ZNF423: variants seen among roughly 807,000 people sequenced by gnomAD.
The protein encoded by ZNF423 is Ebf-associated zinc finger protein.
In ZNF423, 12 loss-of-function variants were observed where a neutral mutation model predicts 95.8. The ratio of observed to expected loss-of-function variants is 0.13; its 90% CI spans 0.08 to 0.20. The LOEUF (loss-of-function observed/expected upper bound fraction) is 0.20. ZNF423 is among the 10% of genes least tolerant of loss of function. ZNF423 has a pLI of 1.00. For synonymous variants in ZNF423, 749 were observed against 711.9 expected (o/e 1.05, Z -0.83); for missense variants, 1,316 against 1,737.1 (o/e 0.76, Z 4.31).
intron 1 of ZNF423, among the ~76,000 whole-genome samples, chr16:49,820,689 C>A (rs912886238): frequency 1.3e-5 from 2 of 152,170 alleles, no homozygotes; most frequent in African/African-American, 4.8e-5. Flanking sequence ...ACCTGGCTGT[C>A]TTTTCCCTAC....
intron 3 of ZNF423, among the ~76,000 whole-genome samples, chr16:49,702,909 GCACACACACACACACACACACACACA>G (rs66522223): frequency 2.7e-5 from 4 of 147,534 alleles, no homozygotes; most frequent in Non-Finnish European, 6.0e-5. Flanking sequence ...GTGTGCACAC[GCACACACACACACACACACACACACA>G]CACACACACA....
chr16:49,653,239 T>C (rs1973481174), intron 3 of ZNF423, among the ~76,000 whole-genome samples: 1 of 138,164 alleles, frequency 7.2e-6, no homozygotes, highest in Non-Finnish European at 1.5e-5. Flanking sequence ...CTCTACCCAC[T>C]ACACAAGTCT....
intron 2 of ZNF423, among the ~76,000 whole-genome samples, chr16:49,783,641 G>T (rs2034256653): frequency 6.7e-6 from 1 of 150,312 alleles, no homozygotes; most frequent in Non-Finnish European, 1.5e-5. Flanking sequence ...GGGGGGTTAG[G>T]GTTAGGGCTA....
At chr16:49,536,643 C>G (rs1024483221) in intron 5 of ZNF423, among the ~76,000 whole-genome samples, 39 of 152,072 alleles carry the variant, frequency 2.6e-4, no homozygotes, top group African/African-American at 9.4e-4. Context: ...GCTATCTTTC[C>G]CAGGCTGGTC....
chr16:49,623,320 C>G (rs1972149212), intron 5 of ZNF423, among the ~76,000 whole-genome samples: 1 of 152,186 alleles, frequency 6.6e-6, no homozygotes, highest in Non-Finnish European at 1.5e-5. Flanking sequence ...CATACACAGG[C>G]CCAAATGCCC....
At chr16:49,554,466 T>G (rs1032984118) in intron 5 of ZNF423, among the ~76,000 whole-genome samples, 1 of 152,100 alleles carries the variant, frequency 6.6e-6, no homozygotes, top group African/African-American at 2.4e-5. Context: ...TTGTCCAGTC[T>G]AAACCATTTC....
chr16:49,554,713 G>A (rs1441433608), intron 5 of ZNF423, among the ~76,000 whole-genome samples: 1 of 151,766 alleles, frequency 6.6e-6, no homozygotes, highest in African/African-American at 2.4e-5. Flanking sequence ...TTCTGATATG[G>A]AATCATTATA....
At chr16:49,664,291 T>A (rs2030417153) in intron 3 of ZNF423, 1 of 985,378 alleles carries the variant, frequency 1.0e-6, no homozygotes, top group East Asian at 1.1e-4. Context: ...GGGCCGAGGG[T>A]GTGCTGCTCC....
rs34651426 is a variant in ZNF423, at chr16:49,727,697, A to G, written c.301+3074T>C. 2.4e-3 allele frequency among the ~76,000 whole-genome samples: 366 copies of G among 152,280 alleles called. 1 individual carries two copies. Among genetic ancestry groups the G allele is most frequent in the African/African-American group, 6.9e-3 (287 of 41,564 alleles). ...CCACGTTCCAGCAGCAACAGTCCCTATGAAGGGGAGGGTTGTTCACACCCC... is the reference window on the plus strand; with the variant it reads ...CCACGTTCCAGCAGCAACAGTCCCTGTGAAGGGGAGGGTTGTTCACACCCC... On this transcript the variant is annotated intron_variant, in intron 3 of 7. Transcript: ENST00000563137.
At chr16:49,808,959 A>G (rs1421804380) in intron 1 of ZNF423, among the ~76,000 whole-genome samples, 1 of 152,182 alleles carries the variant, frequency 6.6e-6, no homozygotes, top group Non-Finnish European at 1.5e-5. Context: ...ATGGGAAAGG[A>G]TACCACTGAG....
intron 5 of ZNF423, among the ~76,000 whole-genome samples, chr16:49,596,332 A>G (rs1971177613): frequency 6.6e-6 from 1 of 152,194 alleles, no homozygotes; most frequent in South Asian, 2.1e-4. Context: ...TACCAGAGAC[A>G]ACGTCAGCCC....
At chr16:49,721,529 G>C (rs4785332) in intron 3 of ZNF423, among the ~76,000 whole-genome samples, 15,537 of 152,038 alleles carry the variant, frequency 0.1, 1,172 homozygotes, top group South Asian at 0.28. Context: ...AGCTTTGGCT[G>C]CTGCCAGGAA....
At chr16:49,673,349 A>G (rs996902843) in intron 3 of ZNF423, among the ~76,000 whole-genome samples, 10 of 152,206 alleles carry the variant, frequency 6.6e-5, no homozygotes, top group African/African-American at 2.4e-4. Flanking sequence ...AGATTGTTGC[A>G]TAGGCAAAAT....
rs144314199 is a variant in ZNF423 at position 49,653,486 on chromosome 16, G to C, written c.302-14612C>G. On this transcript the variant is annotated intron_variant, in intron 3 of 7. Coordinates refer to ENST00000563137, the MANE Select transcript of ZNF423 (RefSeq NM_001379286.1). ...AAAATAATCCTCTGATTGGGATTAG[G>C]CATGTTTGGATAGCATTTTTCCCAT... 1.4e-4 allele frequency among the ~76,000 whole-genome samples: 22 copies of C among 152,254 alleles called. No individual in the cohort carries two copies. In the East Asian group the frequency reaches 3.5e-3, roughly 24 times the overall value.
At position 49,717,368 on chromosome 16, in the gene ZNF423, T is replaced by A. The variant is rs534196317; in HGVS notation, c.301+13403A>T. Among the ~76,000 whole-genome samples, 21 of 152,330 alleles carry A rather than the reference T, an allele frequency of 1.4e-4. No homozygotes were observed. In the East Asian group the frequency reaches 3.9e-3, roughly 28 times the overall value. On this transcript the variant is annotated intron_variant, in intron 3 of 7. Transcript: ENST00000563137. ...AGCCAAGCTCTTGCCTACCCCTCAG[T>A]TCAGGAGGTCAGGTCACCTGCTGTC...
intron 1 of ZNF423, among the ~76,000 whole-genome samples, chr16:49,820,293 C>A (rs371904239): frequency 1.6e-4 from 24 of 152,276 alleles, no homozygotes; most frequent in Admixed American, 7.8e-4. Context: ...ATAGCCCCTG[C>A]CCCAAGATAT....
rs148487028 is a variant in ZNF423 at position 49,703,067 on chromosome 16, C to T, written c.301+27704G>A. ...ACGAACACATGCACCAACACAGGCG[C>T]GCAGGCATGCACACGCCCGCATTCC... is the stretch of plus-strand genomic sequence containing the variant. On this transcript the variant is annotated intron_variant, in intron 3 of 7. Coordinates refer to ENST00000563137, the MANE Select transcript of ZNF423 (RefSeq NM_001379286.1). Among the ~76,000 whole-genome samples, 658 of 152,314 alleles carry T rather than the reference C, an allele frequency of 4.3e-3. 5 individuals are homozygous for T. Among genetic ancestry groups the T allele is most frequent in the African/African-American group, 0.015 (636 of 41,574 alleles).
Position 49,837,845 on chromosome 16 carries a change from C to T in ZNF423, c.40+17890G>A, listed in dbSNP as rs553408538. Among the ~76,000 whole-genome samples the T allele has an allele frequency of 1.2e-4, 19 of 152,336 alleles. No individual in the cohort carries two copies. In the East Asian group the frequency reaches 3.7e-3, roughly 29 times the overall value. The stretch of plus-strand genomic sequence containing the variant: ...GTCCTCTGCAGTTCCCTCTCATCTT[C>T]CTACACCAGCGGTCACGTCACTTCC... On this transcript the variant is annotated intron_variant, in intron 1 of 7. Transcript: ENST00000563137.
intron 5 of ZNF423, among the ~76,000 whole-genome samples, chr16:49,592,951 C>T (rs1363867166): frequency 2.0e-5 from 3 of 152,170 alleles, no homozygotes; most frequent in African/African-American, 2.4e-5. Flanking sequence ...AGCTTTCGTG[C>T]GGTTGTGGGT....
Sources: gnomAD v4.1 joint callset for allele counts (sites outside exome capture counted in the v4.1 genomes callset) on GRCh38, gnomAD v4.1.1 for gene constraint, MANE v1.5 for transcripts, NCBI Gene and HGNC (gene_info 2026-07-23, HGNC 2026-07-21) for gene names.